Variants in RAB3GAP1 observed in about 807,000 individuals in gnomAD.
The protein encoded by RAB3GAP1 is rab3 GTPase-activating protein catalytic subunit.
RAB3GAP1 carries 86 observed loss-of-function variants against 130.7 expected under a neutral mutation model. The observed-to-expected ratio is 0.66, with a 90% CI of 0.55 to 0.79. RAB3GAP1 has a LOEUF of 0.79. RAB3GAP1 is among the 30% of genes least tolerant of loss of function. RAB3GAP1 has a pLI of 0.00. For missense variants in RAB3GAP1, 1,029 were observed against 1,169.4 expected (o/e 0.88, Z 1.75); for synonymous variants, 367 against 401.7 (o/e 0.91, Z 1.03).
In RAB3GAP1 at chr2:135,162,545, C is replaced by T. The variant is rs1332141263; in HGVS notation, c.2290-10C>T. ...GCGCTGATCATTTGTGTGCGCTGCACCTCCTTCAGGTGCTGCACTATCTGG... is the reference window on the plus strand; with the variant it reads ...GCGCTGATCATTTGTGTGCGCTGCATCTCCTTCAGGTGCTGCACTATCTGG... On this transcript the variant is annotated splice_polypyrimidine_tract_variant and intron_variant, in intron 19 of 23. Coordinates refer to ENST00000264158, the MANE Select transcript of RAB3GAP1 (RefSeq NM_012233.3). The T allele has an allele frequency of 1.9e-6, 3 of 1,607,340 alleles. No homozygotes were observed. Among genetic ancestry groups the T allele is most frequent in the African/African-American group, 1.3e-5 (1 of 74,802 alleles).
Position 135,170,193 on chromosome 2 carries a change from G to A in RAB3GAP1, c.*1412G>A, listed in dbSNP as rs1558810743. 1 of 151,902 alleles carries A rather than the reference G, an allele frequency of 6.6e-6. No individual in the cohort carries two copies. Among genetic ancestry groups the A allele is most frequent in the African/African-American group, 2.4e-5 (1 of 41,354 alleles). The allele number at this position is 151,902 out of a possible 1,614,324, so 9.4% of individuals were successfully genotyped here. ...AAGTAGAAGACGGTTCCTAAGGACAGAGTTTGTCTGTTTTCTAACAAAGAA... is the reference window on the plus strand; with the variant it reads ...AAGTAGAAGACGGTTCCTAAGGACAAAGTTTGTCTGTTTTCTAACAAAGAA... On this transcript the variant is annotated 3_prime_UTR_variant, in exon 24 of 24. Coordinates refer to ENST00000264158, the MANE Select transcript of RAB3GAP1 (RefSeq NM_012233.3).
intron 19 of RAB3GAP1, among the ~76,000 whole-genome samples, chr2:135,155,751 G>A (rs1692293281): frequency 6.6e-6 from 1 of 151,994 alleles, no homozygotes; most frequent in Admixed American, 6.6e-5. Flanking sequence ...CCCTGTATCA[G>A]TAAAAACAAA....
intron 3 of RAB3GAP1, among the ~76,000 whole-genome samples, chr2:135,064,752 TTTG>T (rs1384544092): frequency 6.8e-6 from 1 of 147,372 alleles, no homozygotes; most frequent in African/African-American, 2.5e-5. Context: ...CCTGAGGTGT[TTTG>T]TTTTTTTTTT....
At position 135,133,883 on chromosome 2, in the gene RAB3GAP1, C is replaced by G; in HGVS notation, c.1349C>G (p.Ser450Cys). Reference sequence around the variant, plus strand: ...TAGAATCTCTACAATCAGTTCAAGTCTGCACCATCTGACAGTTTAACATAC... The same window carrying G: ...TAGAATCTCTACAATCAGTTCAAGTGTGCACCATCTGACAGTTTAACATAC... Reference protein sequence around the residue: ...EDYNLYNQFKSAPSDSLTYKL... With the variant: ...EDYNLYNQFKCAPSDSLTYKL... The change falls in exon 15 of 24, where the codon TCT becomes TGT. Residue 450 changes from serine to cysteine, a missense_variant. Transcript: ENST00000264158. 6.2e-7 allele frequency: 1 copy of G among 1,613,714 alleles called. No homozygotes were observed. Among genetic ancestry groups the G allele is most frequent in the Non-Finnish European group, 8.5e-7 (1 of 1,179,682 alleles).
At chr2:135,155,962 C>CAT (rs1020755023) in intron 19 of RAB3GAP1, among the ~76,000 whole-genome samples, 11 of 151,910 alleles carry the variant, frequency 7.2e-5, no homozygotes, top group African/African-American at 2.7e-4. Context: ...AGGGAGAGCA[C>CAT]ATATATATAA....
At chr2:135,150,219 T>TATG in intron 17 of RAB3GAP1, 150 bp from the exon 18 acceptor site, 1 of 894,306 alleles carries the variant, frequency 1.1e-6, no homozygotes, top group Non-Finnish European at 1.7e-6. Context: ...TTATGTAAGT[T>TATG]CTAAAAAACT....
chr2:135,087,461 A>G (rs918564960), intron 3 of RAB3GAP1, among the ~76,000 whole-genome samples: 2 of 152,214 alleles, frequency 1.3e-5, no homozygotes, highest in Non-Finnish European at 2.9e-5. Flanking sequence ...TGTTGAATAT[A>G]TAGATTAACT....
In RAB3GAP1 at chr2:135,064,728, C is replaced by T. The variant is rs114104816; in HGVS notation, c.150+6642C>T. Among the ~76,000 whole-genome samples, 442 of 117,298 alleles carry T rather than the reference C, an allele frequency of 3.8e-3. 2 individuals are homozygous for T. The highest frequency in any genetic ancestry group is 0.014 in the African/African-American group (417 of 30,406). The allele number at this position is 117,298 out of a possible 152,430, so 77.0% of individuals were successfully genotyped here. ...GAGTATAGATCACATTTTCCTGTTTCGTTTTGTTTTTTTCCTGAGGTGTTT... is the reference window on the plus strand; with the variant it reads ...GAGTATAGATCACATTTTCCTGTTTTGTTTTGTTTTTTTCCTGAGGTGTTT... On this transcript the variant is annotated intron_variant, in intron 3 of 23. Coordinates refer to ENST00000264158, the MANE Select transcript of RAB3GAP1 (RefSeq NM_012233.3).
At chr2:135,132,676 A>G (rs918290739) in intron 13 of RAB3GAP1, among the ~76,000 whole-genome samples, 2 of 152,192 alleles carry the variant, frequency 1.3e-5, no homozygotes, top group African/African-American at 4.8e-5. Context: ...AAAAAATTCT[A>G]ATTTCTAAAA....
chr2:135,144,250 G>T (rs1215340664), intron 17 of RAB3GAP1, among the ~76,000 whole-genome samples: 1 of 152,222 alleles, frequency 6.6e-6, no homozygotes, highest in Non-Finnish European at 1.5e-5. Flanking sequence ...AAGGAAGGTG[G>T]AGAAGAATTT....
At chr2:135,137,620 C>G (rs1691710242) in intron 17 of RAB3GAP1, among the ~76,000 whole-genome samples, 1 of 151,986 alleles carries the variant, frequency 6.6e-6, no homozygotes, top group South Asian at 2.1e-4. Flanking sequence ...CATGGAATTA[C>G]TTGAACAAAA....
At chr2:135,120,028 T>C (rs542949206) in intron 7 of RAB3GAP1, among the ~76,000 whole-genome samples, 1 of 152,342 alleles carries the variant, frequency 6.6e-6, no homozygotes, top group East Asian at 1.9e-4. Context: ...TTCATTTCTC[T>C]TAGTCTGAAA....
At chr2:135,126,349 T>G in intron 10 of RAB3GAP1, 100 bp downstream of exon 10, 1 of 1,073,082 alleles carries the variant, frequency 9.3e-7, no homozygotes, top group Non-Finnish European at 1.4e-6. Flanking sequence ...TATTATTTTG[T>G]TTTGATTTTA....
intron 3 of RAB3GAP1, among the ~76,000 whole-genome samples, chr2:135,082,384 C>A (rs1488433606): frequency 6.6e-6 from 1 of 151,816 alleles, no homozygotes; most frequent in African/African-American, 2.4e-5. Flanking sequence ...TGCTTTCTCT[C>A]TATATATATT....
chr2:135,153,226 G>C (rs1005148500), intron 18 of RAB3GAP1, among the ~76,000 whole-genome samples: 1 of 152,086 alleles, frequency 6.6e-6, no homozygotes, highest in Non-Finnish European at 1.5e-5. Context: ...ACTTTTCTTA[G>C]TATTGAGTAG....
intron 3 of RAB3GAP1, among the ~76,000 whole-genome samples, chr2:135,059,572 A>G (rs538774717): frequency 1.4e-3 from 214 of 152,304 alleles, no homozygotes; most frequent in African/African-American, 2.9e-3. Context: ...TGATACATGC[A>G]TATAATCAAA....
intron 23 of RAB3GAP1, among the ~76,000 whole-genome samples, chr2:135,165,776 A>G (rs909573097): frequency 6.6e-6 from 1 of 152,218 alleles, no homozygotes; most frequent in Non-Finnish European, 1.5e-5. Flanking sequence ...ACATCTGATA[A>G]TATCTATCCA....
At chr2:135,054,441 A>G (rs1688955968) in intron 2 of RAB3GAP1, among the ~76,000 whole-genome samples, 1 of 152,250 alleles carries the variant, frequency 6.6e-6, no homozygotes, top group African/African-American at 2.4e-5. Context: ...GTGGACTGGA[A>G]TACAAAGGGA....
rs746138723 is a variant in RAB3GAP1, at chr2:135,164,705, G to A, written c.2709+9G>A. ...TTGTGAATGCCCAGAGGGTATGTGA[G>A]AGTCATTATTGACTCCATCATAATC... On this transcript the variant is annotated intron_variant, in intron 23 of 23. Transcript: ENST00000264158. 2 of 1,584,360 alleles carry A rather than the reference G, an allele frequency of 1.3e-6. No individual in the cohort carries two copies. The highest frequency in any genetic ancestry group is 4.5e-5 in the East Asian group (2 of 44,608).
Sources: allele counts gnomAD v4.1 joint callset (sites outside exome capture counted in the v4.1 genomes callset), GRCh38; gene constraint gnomAD v4.1.1; transcripts MANE v1.5; gene names NCBI Gene and HGNC (gene_info 2026-07-23, HGNC 2026-07-21).